The following VTI1A variants were observed in gnomAD, a reference collection of about 807,000 sequenced individuals.
The protein encoded by VTI1A is vesicle transport through interaction with t-SNAREs 1A.
VTI1A carries 22 observed loss-of-function variants against 34.9 expected under a neutral mutation model. That is an observed-to-expected ratio of 0.63 (90% CI 0.45 to 0.90). VTI1A has a LOEUF of 0.90. Among genes scored for constraint, VTI1A ranks in the 40% least tolerant of loss-of-function variants. The pLI is 0.00. For synonymous variants in VTI1A, 87 were observed against 97.3 expected, an observed-to-expected ratio of 0.89 and a Z score of 0.62; for missense variants, 268 against 275.6, an observed-to-expected ratio of 0.97 and a Z score of 0.20.
chr10:112,451,676 A>G (rs1457239990), intron 1 of VTI1A, among the ~76,000 whole-genome samples: 1 of 152,200 alleles, frequency 6.6e-6, no homozygotes, highest in Non-Finnish European at 1.5e-5. Flanking sequence ...GGTTATGCCA[A>G]GCCCTGGAGG....
intron 7 of VTI1A, chr10:112,672,736 C>T (rs1237550883): frequency 6.6e-6 from 1 of 152,044 alleles, no homozygotes; most frequent in Non-Finnish European, 1.5e-5. Context: ...TACCTTTGAG[C>T]AGAAAGTCTT....
chr10:112,569,152 T>G (rs892507807), intron 5 of VTI1A, among the ~76,000 whole-genome samples: 4 of 148,648 alleles, frequency 2.7e-5, no homozygotes, highest in African/African-American at 1.0e-4. Context: ...AGATTCCATC[T>G]CAAAAAAAAA....
At chr10:112,526,631 AATT>A (rs1445455831) in intron 3 of VTI1A, among the ~76,000 whole-genome samples, 21 of 152,164 alleles carry the variant, frequency 1.4e-4, no homozygotes. Context: ...TTGGAGATAT[AATT>A]ATTATCCTAG....
At chr10:112,464,707 T>G in intron 3 of VTI1A, 50 bp downstream of exon 3, 2 of 1,494,556 alleles carry the variant, frequency 1.3e-6, no homozygotes, top group Non-Finnish European at 1.8e-6. Context: ...TAAAAATGTT[T>G]CCTCCTCATG....
At chr10:112,464,156 G>A (rs139469242) in intron 2 of VTI1A, among the ~76,000 whole-genome samples, 13,687 of 152,106 alleles carry the variant, frequency 0.09, 702 homozygotes, top group East Asian at 0.12. Flanking sequence ...CCACCACCAC[G>A]CCCAGCTAAT....
intron 3 of VTI1A, among the ~76,000 whole-genome samples, chr10:112,516,797 A>G (rs1224457389): frequency 1.3e-5 from 2 of 151,996 alleles, no homozygotes; most frequent in East Asian, 3.9e-4. Context: ...AATGAAGGAG[A>G]GAGTGGGATA....
intron 3 of VTI1A, among the ~76,000 whole-genome samples, chr10:112,471,302 C>T (rs150785403): frequency 1.2e-3 from 184 of 150,938 alleles, no homozygotes; most frequent in African/African-American, 4.3e-3. Context: ...GTCATACTTA[C>T]GTGCCCATTT....
chr10:112,678,193 A>C (rs555640943), intron 7 of VTI1A, among the ~76,000 whole-genome samples: 54 of 152,218 alleles, frequency 3.5e-4, no homozygotes, highest in African/African-American at 1.2e-3. Context: ...AATTTGACCT[A>C]ATTTTTGAAT....
intron 3 of VTI1A, among the ~76,000 whole-genome samples, chr10:112,518,579 C>CTATA (rs1457202915): frequency 2.3e-4 from 22 of 96,504 alleles, no homozygotes; most frequent in African/African-American, 6.6e-4. Context: ...CTCTCTCTCT[C>CTATA]TCTCTCTCTC....
intron 5 of VTI1A, among the ~76,000 whole-genome samples, chr10:112,575,509 G>A (rs1275680678): frequency 2.6e-5 from 4 of 152,128 alleles, no homozygotes; most frequent in Non-Finnish European, 5.9e-5. Flanking sequence ...GCGTTTGTTC[G>A]CGTCCATTGT....
At chr10:112,502,979 GTGTT>G (rs1316634622) in intron 3 of VTI1A, among the ~76,000 whole-genome samples, 10 of 152,082 alleles carry the variant, frequency 6.6e-5, no homozygotes, top group Non-Finnish European at 1.5e-4. Context: ...AGTTTGGAGT[GTGTT>G]TGTTTATTTA....
At chr10:112,568,651 C>A (rs979421390) in intron 5 of VTI1A, among the ~76,000 whole-genome samples, 4 of 152,168 alleles carry the variant, frequency 2.6e-5, no homozygotes, top group African/African-American at 9.7e-5. Flanking sequence ...AATAAGATCC[C>A]CGTCTTATCC....
At chr10:112,500,390 G>A (rs904776589) in intron 3 of VTI1A, among the ~76,000 whole-genome samples, 1 of 150,796 alleles carries the variant, frequency 6.6e-6, no homozygotes, top group South Asian at 2.1e-4. Flanking sequence ...AGCCGAGATC[G>A]CACCACGGCA....
rs530483870 is a variant in VTI1A at position 112,538,454 on chromosome 10, G to T, written c.427+124G>T. 5.7e-5 allele frequency: 49 copies of T among 860,234 alleles called. No homozygotes were observed. The East Asian group carries it at 1.1e-3, about 19-fold the overall frequency. 53.3% of individuals were successfully genotyped at this position (860,234 alleles called of 1,614,324 possible). Reference sequence around the variant, plus strand: ...CAGCCCGAGATGTGGTTTACATATTGGGGAGACAATTGGGAGCTTATTTGC... The same window carrying T: ...CAGCCCGAGATGTGGTTTACATATTTGGGAGACAATTGGGAGCTTATTTGC... On this transcript the variant is annotated intron_variant, in intron 5 of 7. Coordinates refer to ENST00000393077, the MANE Select transcript of VTI1A (RefSeq NM_145206.4).
At chr10:112,770,641 C>T (rs1267262254) in intron 7 of VTI1A, among the ~76,000 whole-genome samples, 3 of 151,702 alleles carry the variant, frequency 2.0e-5, no homozygotes, top group African/African-American at 4.8e-5. Flanking sequence ...CTCCTGACCT[C>T]GTGATCCACC....
At chr10:112,844,610 G>T in the VTI1A span, among the ~76,000 whole-genome samples, 1 of 152,210 alleles carries the variant, frequency 6.6e-6, no homozygotes, top group Non-Finnish European at 1.5e-5. Flanking sequence ...TGTTGGTCTG[G>T]CTGGTCTTGA....
chr10:112,853,863 T>G, the VTI1A span, among the ~76,000 whole-genome samples: 2 of 152,194 alleles, frequency 1.3e-5, no homozygotes, highest in Non-Finnish European at 2.9e-5. Context: ...CCTCTCTCCA[T>G]CAGACTGCCA....
At chr10:112,461,367 T>G (rs1847722208) in intron 2 of VTI1A, among the ~76,000 whole-genome samples, 1 of 152,208 alleles carries the variant, frequency 6.6e-6, no homozygotes, top group Admixed American at 6.5e-5. Context: ...GGACCTTGTA[T>G]TCTTGGCAGA....
chr10:112,777,444 C>A (rs182342703), intron 7 of VTI1A, among the ~76,000 whole-genome samples: 1 of 152,128 alleles, frequency 6.6e-6, no homozygotes, highest in Non-Finnish European at 1.5e-5. Context: ...GAGACAGCCA[C>A]GGAGCAGTGC....
Sources: allele counts gnomAD v4.1 joint callset (sites outside exome capture counted in the v4.1 genomes callset), GRCh38; gene constraint gnomAD v4.1.1; transcripts MANE v1.5; gene names NCBI Gene and HGNC (gene_info 2026-07-23, HGNC 2026-07-21).